Variants in CTNNA3 observed in about 807,000 individuals in gnomAD.
The protein encoded by CTNNA3 is catenin alpha-3.
In CTNNA3, 76 loss-of-function variants were observed where a neutral mutation model predicts 95.7. The ratio of observed to expected loss-of-function variants is 0.79; its 90% CI spans 0.66 to 0.96. The LOEUF (loss-of-function observed/expected upper bound fraction) is 0.96, where lower values mean the gene tolerates loss of function less well. Among genes scored for constraint, CTNNA3 ranks in the 40% least tolerant of loss-of-function variants. CTNNA3 has a pLI of 0.00. For synonymous variants in CTNNA3, 431 were observed against 374.4 expected (o/e 1.15, Z -1.74); for missense variants, 1,191 against 1,089.8 (o/e 1.09, Z -1.31).
intron 7 of CTNNA3, among the ~76,000 whole-genome samples, chr10:66,909,242 C>T (rs61866198): frequency 0.017 from 2,650 of 152,204 alleles, 37 homozygotes; most frequent in Non-Finnish European, 0.026. Context: ...CAGCCGGGCG[C>T]GGTGGCTCAT....
At chr10:67,560,504 G>A (rs1423601130) in intron 3 of CTNNA3, among the ~76,000 whole-genome samples, 1 of 152,104 alleles carries the variant, frequency 6.6e-6, no homozygotes, top group Admixed American at 6.6e-5. Flanking sequence ...ACATGGAAAG[G>A]AACAACCGGT....
chr10:67,183,603 T>C (rs886196353), intron 6 of CTNNA3, among the ~76,000 whole-genome samples: 3 of 152,136 alleles, frequency 2.0e-5, no homozygotes, highest in African/African-American at 7.2e-5. Flanking sequence ...GACGAGTTAA[T>C]GGGTGCAGCA....
chr10:66,309,959 T>A (rs542722062), intron 12 of CTNNA3, among the ~76,000 whole-genome samples: 3 of 140,216 alleles, frequency 2.1e-5, no homozygotes, highest in East Asian at 2.1e-4. Flanking sequence ...ATAAATAAAA[T>A]AAAAATAAAA....
chr10:66,776,654 G>GTAAT (rs982865609), intron 7 of CTNNA3, among the ~76,000 whole-genome samples: 1 of 152,022 alleles, frequency 6.6e-6, no homozygotes, highest in Admixed American at 6.6e-5. Context: ...GTTCTTACAT[G>GTAAT]TAATGTACCT....
intron 9 of CTNNA3, among the ~76,000 whole-genome samples, chr10:66,622,377 A>C (rs10997263): frequency 0.33 from 50,653 of 151,908 alleles, 8,858 homozygotes; most frequent in Middle Eastern, 0.5. Context: ...GTGACACCCA[A>C]ATTTCTCTTA....
At chr10:66,204,779 C>T (rs2087656894) in intron 13 of CTNNA3, among the ~76,000 whole-genome samples, 1 of 152,180 alleles carries the variant, frequency 6.6e-6, no homozygotes, top group Admixed American at 6.5e-5. Context: ...GGAACTACAG[C>T]TTATTCCTGC....
rs182562057 is a variant in CTNNA3, at chr10:66,942,942, T to C, written c.1048-167418A>G. Reference sequence around the variant, plus strand: ...CAAAGGAAGAATTCCAATGGGCACTTAATGAGCACCTATAATGTGCAGGCA... The same window carrying C: ...CAAAGGAAGAATTCCAATGGGCACTCAATGAGCACCTATAATGTGCAGGCA... On this transcript the variant is annotated intron_variant, in intron 7 of 17. Coordinates refer to ENST00000433211, the MANE Select transcript of CTNNA3 (RefSeq NM_013266.4). Among the ~76,000 whole-genome samples, 3 of 152,338 alleles carry C rather than the reference T, an allele frequency of 2.0e-5. No individual in the cohort carries two copies. The East Asian group carries it at 5.8e-4, about 29-fold the overall frequency.
intron 5 of CTNNA3, among the ~76,000 whole-genome samples, chr10:67,509,171 C>T (rs1003872027): frequency 3.3e-5 from 5 of 151,498 alleles, no homozygotes; most frequent in African/African-American, 1.2e-4. Flanking sequence ...CCACTGTGCC[C>T]GAACTAAATA....
intron 17 of CTNNA3, among the ~76,000 whole-genome samples, chr10:65,961,330 C>G (rs1454720792): frequency 3.3e-5 from 5 of 151,992 alleles, no homozygotes; most frequent in African/African-American, 1.2e-4. Context: ...CAATTTTTGC[C>G]TTCACCATAA....
intron 12 of CTNNA3, among the ~76,000 whole-genome samples, chr10:66,361,881 C>T (rs1325729057): frequency 1.3e-5 from 2 of 151,858 alleles, no homozygotes; most frequent in Non-Finnish European, 2.9e-5. Flanking sequence ...CCATCATTAA[C>T]CTTTATCATC....
chr10:65,968,227 A>G (rs2078020069), intron 16 of CTNNA3, among the ~76,000 whole-genome samples: 1 of 151,912 alleles, frequency 6.6e-6, no homozygotes, highest in Non-Finnish European at 1.5e-5. Flanking sequence ...CTATCTCTAC[A>G]AAAAATAAAA....
At chr10:67,726,194 A>G (rs550830419) in intron 1 of CTNNA3, among the ~76,000 whole-genome samples, 4,308 of 96,586 alleles carry the variant, frequency 0.045, 139 homozygotes, top group Middle Eastern at 0.11. Flanking sequence ...ATTATAATAT[A>G]TAATATATCA....
At position 66,140,883 on chromosome 10, in the gene CTNNA3, CATT is replaced by C. The variant is rs1406141404; in HGVS notation, c.1885-37637_1885-37635del. On this transcript the variant is annotated intron_variant, in intron 13 of 17. Transcript: ENST00000433211. ...TATGTTTTTATTTAAGAGATTTTGT[CATT>C]GTTGTTGCTGTTGGTTGTGATGATA... Among the ~76,000 whole-genome samples, 24 of 152,180 alleles carry C rather than the reference CATT, an allele frequency of 1.6e-4. No individual in the cohort carries two copies. The East Asian group carries it at 4.6e-3, about 29-fold the overall frequency.
At chr10:67,675,821 G>C (rs1840524541) in intron 1 of CTNNA3, among the ~76,000 whole-genome samples, 1 of 151,918 alleles carries the variant, frequency 6.6e-6, no homozygotes, top group Non-Finnish European at 1.5e-5. Flanking sequence ...GGTAGTTTTT[G>C]TTTCTTTTTA....
chr10:66,435,610 T>G (rs1468847986), intron 11 of CTNNA3, among the ~76,000 whole-genome samples: 1 of 152,174 alleles, frequency 6.6e-6, no homozygotes, highest in East Asian at 1.9e-4. Flanking sequence ...TCTGTTTTGT[T>G]GATGTTTTCA....
chr10:67,684,477 C>T (rs1840691167), intron 1 of CTNNA3, among the ~76,000 whole-genome samples: 1 of 152,158 alleles, frequency 6.6e-6, no homozygotes, highest in African/African-American at 2.4e-5. Context: ...TTCTCCAAGT[C>T]CCCACCCAAC....
intron 11 of CTNNA3, among the ~76,000 whole-genome samples, chr10:66,386,916 C>G (rs1435372933): frequency 6.6e-6 from 1 of 152,126 alleles, no homozygotes; most frequent in Non-Finnish European, 1.5e-5. Context: ...ACACTGGATC[C>G]CTTCCTTACA....
chr10:66,699,037 G>A (rs79266616), intron 9 of CTNNA3, among the ~76,000 whole-genome samples: 1 of 152,098 alleles, frequency 6.6e-6, no homozygotes, highest in Non-Finnish European at 1.5e-5. Context: ...CTATATATAT[G>A]TACCTTTACA....
intron 1 of CTNNA3, among the ~76,000 whole-genome samples, chr10:67,726,297 GATATTATCTTACATATTATAT>G (rs1564840996): frequency 3.5e-5 from 2 of 57,398 alleles, no homozygotes; most frequent in African/African-American, 7.6e-5. Context: ...TATTATATAT[GATATTATCTTACATATTATAT>G]ATATTATCTT....
Sources: gnomAD v4.1 joint callset for allele counts (sites outside exome capture counted in the v4.1 genomes callset) on GRCh38, gnomAD v4.1.1 for gene constraint, MANE v1.5 for transcripts, NCBI Gene and HGNC (gene_info 2026-07-23, HGNC 2026-07-21) for gene names.